The following BICC1 variants were observed in gnomAD, a reference collection of about 807,000 sequenced individuals.
The protein encoded by BICC1 is protein bicaudal C homolog 1.
Under a neutral mutation model 111.0 loss-of-function variants are expected in BICC1, and 43 were observed. The observed-to-expected ratio is 0.39, with a 90% CI of 0.30 to 0.50. The LOEUF (loss-of-function observed/expected upper bound fraction) is 0.50. BICC1 is among the 20% of genes least tolerant of loss of function. BICC1 has a pLI of 0.88. For synonymous variants in BICC1, 467 were observed against 434.4 expected, an observed-to-expected ratio of 1.07 and a Z score of -0.93; for missense variants, 1,091 against 1,203.2, an observed-to-expected ratio of 0.91 and a Z score of 1.38.
At chr10:58,645,364 G>C (rs1263328595) in intron 2 of BICC1, among the ~76,000 whole-genome samples, 2 of 116,920 alleles carry the variant, frequency 1.7e-5, no homozygotes, top group Non-Finnish European at 3.2e-5. Context: ...CCGAGATCGC[G>C]CCACTGCGCT....
At chr10:58,607,082 C>T (rs368738937) in intron 1 of BICC1, among the ~76,000 whole-genome samples, 7 of 151,928 alleles carry the variant, frequency 4.6e-5, no homozygotes, top group African/African-American at 9.7e-5. Context: ...TTTGGGAGGC[C>T]GAGGTGGGTG....
intron 3 of BICC1, among the ~76,000 whole-genome samples, chr10:58,750,713 A>G (rs1841961441): frequency 6.6e-6 from 1 of 152,190 alleles, no homozygotes; most frequent in East Asian, 1.9e-4. Context: ...AAGATTTTTT[A>G]AACAAAATGC....
chr10:58,699,648 C>T (rs527626713), intron 2 of BICC1, among the ~76,000 whole-genome samples: 2 of 152,042 alleles, frequency 1.3e-5, no homozygotes, highest in African/African-American at 2.4e-5. Flanking sequence ...TTTCTTACTG[C>T]CTCCCCACCA....
In BICC1 at chr10:58,829,191, A is replaced by ATTTTTTTTTTTTTTTTTTTT. The variant is rs71006209; in HGVS notation, c.*312_*331dup. On this transcript the variant is annotated 3_prime_UTR_variant, in exon 21 of 21. Coordinates refer to ENST00000373886, the MANE Select transcript of BICC1 (RefSeq NM_001080512.3). ...TACCTATATAACATATGCACTGATG[A>ATTTTTTTTTTTTTTTTTTTT]TTTTTTTTTTTTTTTTTTTTTTTTT... 1 of 42,388 alleles carries ATTTTTTTTTTTTTTTTTTTT rather than the reference A, an allele frequency of 2.4e-5. No homozygotes were observed. Among genetic ancestry groups the ATTTTTTTTTTTTTTTTTTTT allele is most frequent in the Non-Finnish European group, 3.8e-5 (1 of 26,082 alleles). 2.6% of individuals were successfully genotyped at this position (42,388 alleles called of 1,614,324 possible).
intron 1 of BICC1, among the ~76,000 whole-genome samples, chr10:58,590,425 A>G (rs1844575513): frequency 6.6e-6 from 1 of 152,212 alleles, no homozygotes; most frequent in African/African-American, 2.4e-5. Context: ...AAGGAAGTCT[A>G]TTAAAAACAA....
intron 3 of BICC1, among the ~76,000 whole-genome samples, chr10:58,762,496 T>TTTTG (rs1046487370): frequency 9.2e-5 from 14 of 152,226 alleles, no homozygotes; most frequent in Admixed American, 3.9e-4. Flanking sequence ...CAGCGTTGTT[T>TTTTG]TTTGTTTGTT....
chr10:58,733,495 T>A (rs1257436174), intron 3 of BICC1, among the ~76,000 whole-genome samples: 1 of 152,244 alleles, frequency 6.6e-6, no homozygotes, highest in Non-Finnish European at 1.5e-5. Flanking sequence ...ATGTCCCCAA[T>A]ACATTTCTGT....
At chr10:58,555,530 T>C (rs1003987767) in intron 1 of BICC1, among the ~76,000 whole-genome samples, 3 of 152,222 alleles carry the variant, frequency 2.0e-5, no homozygotes, top group African/African-American at 7.2e-5. Flanking sequence ...TGAGGTTCTC[T>C]ATGTGAAGTC....
At chr10:58,779,086 A>T (rs1589130478) in intron 3 of BICC1, among the ~76,000 whole-genome samples, 2 of 152,290 alleles carry the variant, frequency 1.3e-5, no homozygotes, top group East Asian at 3.9e-4. Context: ...GCCCATGTAC[A>T]GTTTTTGTTT....
intron 2 of BICC1, among the ~76,000 whole-genome samples, chr10:58,686,917 G>A (rs191575313): frequency 2.4e-3 from 358 of 152,302 alleles, no homozygotes; most frequent in African/African-American, 8.0e-3. Context: ...CATTGCTGGC[G>A]AGGAGGCGCG....
intron 1 of BICC1, among the ~76,000 whole-genome samples, chr10:58,517,552 T>TA (rs968683403): frequency 6.6e-6 from 1 of 152,044 alleles, no homozygotes; most frequent in Non-Finnish European, 1.5e-5. Context: ...AGATAAAGAG[T>TA]AAAGCTTAAA....
chr10:58,723,443 G>A (rs1841001348), intron 3 of BICC1, among the ~76,000 whole-genome samples: 1 of 152,164 alleles, frequency 6.6e-6, no homozygotes, highest in African/African-American at 2.4e-5. Context: ...AGGCTGCATG[G>A]TATGAACTTG....
intron 1 of BICC1, among the ~76,000 whole-genome samples, chr10:58,547,355 ATCTG>A (rs1843167958): frequency 6.6e-6 from 1 of 152,080 alleles, no homozygotes; most frequent in Admixed American, 6.6e-5. Flanking sequence ...CTTAGTTGGG[ATCTG>A]TCTGATGTTT....
intron 1 of BICC1, among the ~76,000 whole-genome samples, chr10:58,524,191 A>C (rs7393811): frequency 0.46 from 69,853 of 151,908 alleles, 17,114 homozygotes; most frequent in Admixed American, 0.62. Flanking sequence ...ACAGAATTGG[A>C]AAAAACTACT....
chr10:58,622,058 T>C (rs537342280), intron 2 of BICC1, among the ~76,000 whole-genome samples: 121 of 151,868 alleles, frequency 8.0e-4, no homozygotes, highest in African/African-American at 2.8e-3. Context: ...GATGTGCACC[T>C]GTAGTTCCAG....
chr10:58,673,555 C>T (rs553841346), intron 2 of BICC1, among the ~76,000 whole-genome samples: 1 of 152,296 alleles, frequency 6.6e-6, no homozygotes, highest in South Asian at 2.1e-4. Context: ...CCGTGGAGCA[C>T]AAGCTTTTAT....
chr10:58,787,941 G>A (rs1461886838), intron 5 of BICC1, among the ~76,000 whole-genome samples: 1 of 152,064 alleles, frequency 6.6e-6, no homozygotes, highest in Non-Finnish European at 1.5e-5. Context: ...GGTAGATGTT[G>A]GAGCAATGAT....
chr10:58,824,020 A>G lies in BICC1; in HGVS notation c.2794+3552A>G, dbSNP rs533096371. On this transcript the variant is annotated intron_variant, in intron 20 of 20. Coordinates refer to ENST00000373886, the MANE Select transcript of BICC1 (RefSeq NM_001080512.3). ...GTAAAGATACCTTCCTTGCTTCTTC[A>G]GAGTGAAGCTGGGTTTTTCTATTTA... The G allele has an allele frequency of 1.8e-5, 18 of 984,840 alleles. No individual in the cohort carries two copies. In the South Asian group the frequency reaches 7.0e-4, roughly 39 times the overall value. The allele number at this position is 984,840 out of a possible 1,614,324, so 61.0% of individuals were successfully genotyped here.
chr10:58,670,384 A>G (rs1397001264), intron 2 of BICC1, among the ~76,000 whole-genome samples: 1 of 152,138 alleles, frequency 6.6e-6, no homozygotes, highest in Non-Finnish European at 1.5e-5. Context: ...CCAAACTCCT[A>G]TGACGATATA....
Sources: allele counts gnomAD v4.1 joint callset (sites outside exome capture counted in the v4.1 genomes callset), GRCh38; gene constraint gnomAD v4.1.1; transcripts MANE v1.5; gene names NCBI Gene and HGNC (gene_info 2026-07-23, HGNC 2026-07-21).